Variants in RPS6KC1 observed in about 807,000 individuals in gnomAD.
RPS6KC1 encodes the protein ribosomal protein S6 kinase C1.
In RPS6KC1, 54 loss-of-function variants were observed where a neutral mutation model predicts 103.8. That is an observed-to-expected ratio of 0.52 (90% confidence interval 0.42 to 0.65). RPS6KC1 has a LOEUF of 0.65. Ranked by LOEUF, RPS6KC1 falls within the 30% of genes least tolerant of loss-of-function variation. RPS6KC1 has a pLI of 0.00. For synonymous variants in RPS6KC1, 439 were observed against 438.7 expected, an observed-to-expected ratio of 1.00 and a Z score of -0.01; for missense variants, 1,151 against 1,253.8, an observed-to-expected ratio of 0.92 and a Z score of 1.24.
the RPS6KC1 span, among the ~76,000 whole-genome samples, chr1:213,470,682 C>T: frequency 7.3e-6 from 1 of 137,186 alleles, no homozygotes; most frequent in South Asian, 2.3e-4. Context: ...TGCAGTGACA[C>T]AATCGTAGAA....
chr1:213,106,380 C>T (rs549324232), intron 4 of RPS6KC1, among the ~76,000 whole-genome samples: 1 of 152,254 alleles, frequency 6.6e-6, no homozygotes, highest in East Asian at 1.9e-4. Flanking sequence ...ACATAGGTTT[C>T]TGGGTTTAGG....
chr1:213,734,588 T>A, the RPS6KC1 span, among the ~76,000 whole-genome samples: 1 of 152,286 alleles, frequency 6.6e-6, no homozygotes, highest in Middle Eastern at 3.4e-3. Flanking sequence ...TAATGACATA[T>A]CTTATGCAGC....
At chr1:213,701,596 T>C in the RPS6KC1 span, among the ~76,000 whole-genome samples, 2 of 152,032 alleles carry the variant, frequency 1.3e-5, no homozygotes, top group South Asian at 2.1e-4. Context: ...CATTACTTGT[T>C]GTTGGTTTGT....
At chr1:213,771,824 T>C in the RPS6KC1 span, among the ~76,000 whole-genome samples, 11 of 152,280 alleles carry the variant, frequency 7.2e-5, no homozygotes, top group South Asian at 2.3e-3. Flanking sequence ...ATGATAAGCA[T>C]TTTAAGAGGG....
chr1:213,774,443 T>A, the RPS6KC1 span, among the ~76,000 whole-genome samples: 1 of 152,164 alleles, frequency 6.6e-6, no homozygotes, highest in African/African-American at 2.4e-5. Context: ...ATCCAGAACC[T>A]GGGGCCCTAC....
chr1:213,432,683 A>G, the RPS6KC1 span, among the ~76,000 whole-genome samples: 1 of 151,712 alleles, frequency 6.6e-6, no homozygotes, highest in Non-Finnish European at 1.5e-5. Context: ...GTTTTCTGTC[A>G]TTGTAGATTA....
the RPS6KC1 span, among the ~76,000 whole-genome samples, chr1:213,457,703 A>T: frequency 6.6e-6 from 1 of 152,234 alleles, no homozygotes; most frequent in Admixed American, 6.5e-5. Flanking sequence ...TAATAACTTA[A>T]TTGGCAACAG....
At chr1:213,131,980 T>C (rs1244607417) in intron 6 of RPS6KC1, among the ~76,000 whole-genome samples, 1 of 152,230 alleles carries the variant, frequency 6.6e-6, no homozygotes, top group Non-Finnish European at 1.5e-5. Context: ...TTTTTTAAGT[T>C]ATTTGCATTT....
the RPS6KC1 span, among the ~76,000 whole-genome samples, chr1:213,530,740 A>C: frequency 6.6e-6 from 1 of 152,172 alleles, no homozygotes; most frequent in Non-Finnish European, 1.5e-5. Context: ...GTTTCCCCAG[A>C]TCTGCTTGCT....
At chr1:213,581,268 C>T in the RPS6KC1 span, among the ~76,000 whole-genome samples, 16 of 152,184 alleles carry the variant, frequency 1.1e-4, 1 homozygote, top group Admixed American at 2.6e-4. Context: ...CTTTTCCCTG[C>T]CTGTCTCTCT....
chr1:213,498,003 A>T, the RPS6KC1 span, among the ~76,000 whole-genome samples: 2 of 152,314 alleles, frequency 1.3e-5, no homozygotes, highest in East Asian at 3.9e-4. Flanking sequence ...TCAAACCGTT[A>T]AGGGAAAAAA....
the RPS6KC1 span, among the ~76,000 whole-genome samples, chr1:213,552,134 G>C: frequency 1.3e-5 from 2 of 152,132 alleles, no homozygotes; most frequent in African/African-American, 4.8e-5. Flanking sequence ...TCCAAGTTTT[G>C]TCAATTATGA....
chr1:213,751,635 A>T, the RPS6KC1 span, among the ~76,000 whole-genome samples: 5 of 152,280 alleles, frequency 3.3e-5, no homozygotes, highest in East Asian at 7.7e-4. Context: ...AGGAGAGCAG[A>T]TATTAACTGC....
chr1:213,770,212 G>T, the RPS6KC1 span, among the ~76,000 whole-genome samples: 1 of 152,110 alleles, frequency 6.6e-6, no homozygotes, highest in Admixed American at 6.5e-5. Context: ...CTTGCCCAAG[G>T]TCATGCAACA....
intron 8 of RPS6KC1, among the ~76,000 whole-genome samples, chr1:213,202,454 T>G (rs2093198472): frequency 6.6e-6 from 1 of 151,738 alleles, no homozygotes; most frequent in Admixed American, 6.6e-5. Context: ...CTCTACTAAA[T>G]ATCCAGAAAT....
chr1:213,199,323 TA>T (rs2093065732), intron 8 of RPS6KC1, among the ~76,000 whole-genome samples: 1 of 152,136 alleles, frequency 6.6e-6, no homozygotes, highest in South Asian at 2.1e-4. Context: ...CCCTGGGATA[TA>T]AGGTTGGTTC....
At chr1:213,270,775 G>T (rs2095029878) in intron 14 of RPS6KC1, among the ~76,000 whole-genome samples, 1 of 151,986 alleles carries the variant, frequency 6.6e-6, no homozygotes, top group Non-Finnish European at 1.5e-5. Context: ...TTTTAAAATG[G>T]GCGGAAAGTT....
At chr1:213,539,577 G>A in the RPS6KC1 span, among the ~76,000 whole-genome samples, 33 of 152,216 alleles carry the variant, frequency 2.2e-4, no homozygotes, top group Admixed American at 9.8e-4. Flanking sequence ...GGAAAGTTGC[G>A]GTTGTGCTAT....
the RPS6KC1 span, among the ~76,000 whole-genome samples, chr1:213,347,978 T>C: frequency 6.6e-6 from 1 of 152,050 alleles, no homozygotes; most frequent in African/African-American, 2.4e-5. Context: ...GAGAATGTGA[T>C]TGGCATATTC....
Sources: gnomAD v4.1 joint callset for allele counts (sites outside exome capture counted in the v4.1 genomes callset) on GRCh38, gnomAD v4.1.1 for gene constraint, MANE v1.5 for transcripts, NCBI Gene and HGNC (gene_info 2026-07-23, HGNC 2026-07-21) for gene names.